TNNI3K: variants seen among roughly 807,000 people sequenced by gnomAD.
TNNI3K encodes TNNI3 interacting kinase, also known as serine/threonine-protein kinase TNNI3K.
In TNNI3K, 140 loss-of-function variants were observed where a neutral mutation model predicts 114.5. That is an observed-to-expected ratio of 1.22 (90% confidence interval 1.07 to 1.41). TNNI3K has a LOEUF of 1.41. TNNI3K is among the 40% of genes most tolerant of loss of function. The probability of loss-of-function intolerance (pLI) is 0.00; values close to 1 mark genes in which losing one functional copy is unlikely to be tolerated. For synonymous variants in TNNI3K, 347 were observed against 347.5 expected (o/e 1.00, Z 0.02); for missense variants, 1,125 against 1,007.6 (o/e 1.12, Z -1.58).
At chr1:74,328,100 A>T (rs1354650192) in intron 5 of TNNI3K, among the ~76,000 whole-genome samples, 2 of 152,148 alleles carry the variant, frequency 1.3e-5, no homozygotes, top group African/African-American at 4.8e-5. Flanking sequence ...CTATCATATA[A>T]TTAAGTCCTA....
intron 23 of TNNI3K, among the ~76,000 whole-genome samples, chr1:74,518,786 C>A (rs567854080): frequency 6.6e-6 from 1 of 150,504 alleles, no homozygotes; most frequent in Non-Finnish European, 1.5e-5. Flanking sequence ...ACAACATTTA[C>A]AAATATGGAT....
chr1:74,329,295 T>C (rs1660076854), intron 5 of TNNI3K, among the ~76,000 whole-genome samples: 1 of 152,108 alleles, frequency 6.6e-6, no homozygotes, highest in African/African-American at 2.4e-5. Context: ...TACACTTGTT[T>C]CTGGGCCTGA....
intron 11 of TNNI3K, among the ~76,000 whole-genome samples, chr1:74,364,178 A>AT (rs894462328): frequency 1.3e-5 from 2 of 150,820 alleles, no homozygotes; most frequent in Non-Finnish European, 3.0e-5. Flanking sequence ...TTAAAAAAAA[A>AT]TTTTTTTTAG....
intron 5 of TNNI3K, among the ~76,000 whole-genome samples, chr1:74,291,795 T>C (rs1212766450): frequency 6.6e-6 from 1 of 151,542 alleles, no homozygotes; most frequent in Non-Finnish European, 1.5e-5. Flanking sequence ...CTTCAGTATT[T>C]AAGTGCTTTA....
chr1:74,239,149 A>G (rs1001056428), intron 2 of TNNI3K, among the ~76,000 whole-genome samples: 4 of 152,096 alleles, frequency 2.6e-5, no homozygotes, highest in Non-Finnish European at 5.9e-5. Context: ...GAGTCAAGAG[A>G]ATCAAAAACA....
Position 74,369,049 on chromosome 1 carries a change from C to T in TNNI3K, c.1349C>T (p.Ala450Val), listed in dbSNP as rs1365720705. The T allele has an allele frequency of 2.5e-6, 4 of 1,608,602 alleles. No homozygotes were observed. Among genetic ancestry groups the T allele is most frequent in the Non-Finnish European group, 3.4e-6 (4 of 1,177,914 alleles). Residue 450 changes from alanine (A) to valine (V), a missense_variant, in exon 14 of 25, where the codon GCT becomes GTT. Coordinates refer to ENST00000326637, the MANE Select transcript of TNNI3K (RefSeq NM_015978.3). The part of the protein sequence containing the change: ...KEKADILLLR[A>V]GLPSHFHLQL... ...AAGGCAGATATTCTCCTCCTAAGAG[C>T]TGGATTGCCTTCACATTTCCATCTT...
chr1:74,236,033 TG>T, intron 1 of TNNI3K, 68 bp from the exon 2 acceptor site: 8 of 1,165,438 alleles, frequency 6.9e-6, no homozygotes, highest in Non-Finnish European at 9.8e-6. Context: ...ATTACTTGTA[TG>T]TTATGATCTG....
intron 4 of TNNI3K, 63 bp downstream of exon 4, chr1:74,250,832 T>TTC: frequency 3.3e-6 from 1 of 303,180 alleles, no homozygotes; most frequent in Non-Finnish European, 4.1e-6. Flanking sequence ...ATCTTTAGGC[T>TTC]TTTTTTTTTT....
rs1157074541 is a variant in TNNI3K at position 74,261,068 on chromosome 1, A to G, written c.333+10299A>G. On this transcript the variant is annotated intron_variant, in intron 4 of 24. Transcript: ENST00000326637. ...ATTTATATGAAGCTCAGATTGGTAG[A>G]AAAAAGTACCAGCTTTTTCTTTGCT... 2.0e-5 allele frequency among the ~76,000 whole-genome samples: 3 copies of G among 152,090 alleles called. No individual in the cohort carries two copies. The East Asian group carries it at 5.8e-4, about 29-fold the overall frequency.
intron 6 of TNNI3K, among the ~76,000 whole-genome samples, chr1:74,332,793 A>T (rs1032532107): frequency 1.3e-5 from 2 of 152,136 alleles, no homozygotes; most frequent in African/African-American, 4.8e-5. Flanking sequence ...CAAATTATCA[A>T]GTCCAAACAA....
At chr1:74,522,876 C>T (rs1646453026) in intron 23 of TNNI3K, among the ~76,000 whole-genome samples, 1 of 152,144 alleles carries the variant, frequency 6.6e-6, no homozygotes, top group Non-Finnish European at 1.5e-5. Context: ...ACATAAAATC[C>T]AGCACTGCGT....
At chr1:74,336,506 C>T (rs529684977) in intron 7 of TNNI3K, among the ~76,000 whole-genome samples, 1 of 144,888 alleles carries the variant, frequency 6.9e-6, no homozygotes, top group Non-Finnish European at 1.5e-5. Context: ...CCCCCTCCCC[C>T]CATGCCACAA....
At chr1:74,519,477 G>T (rs1354866492) in intron 23 of TNNI3K, among the ~76,000 whole-genome samples, 4 of 125,100 alleles carry the variant, frequency 3.2e-5, no homozygotes, top group South Asian at 2.5e-4. Context: ...CACAATGGTT[G>T]AACTAGTTTA....
intron 20 of TNNI3K, among the ~76,000 whole-genome samples, chr1:74,442,633 C>A (rs1448851572): frequency 5.3e-5 from 8 of 152,052 alleles, no homozygotes; most frequent in Admixed American, 1.3e-4. Flanking sequence ...AAATTTCATA[C>A]ATTACATAAT....
chr1:74,465,764 G>A (rs1246774879), intron 21 of TNNI3K, among the ~76,000 whole-genome samples: 5 of 152,170 alleles, frequency 3.3e-5, no homozygotes, highest in Non-Finnish European at 7.3e-5. Context: ...CTATCTAGAG[G>A]GTTGTAAATG....
chr1:74,261,700 A>G (rs1655686158), intron 4 of TNNI3K, among the ~76,000 whole-genome samples: 1 of 152,162 alleles, frequency 6.6e-6, no homozygotes, highest in African/African-American at 2.4e-5. Context: ...CTCTCATTCA[A>G]TACACAGACA....
chr1:74,263,393 A>G (rs1655789367), intron 4 of TNNI3K, among the ~76,000 whole-genome samples: 1 of 152,034 alleles, frequency 6.6e-6, no homozygotes, highest in South Asian at 2.1e-4. Flanking sequence ...GTTGCTTATC[A>G]TCTTATTCTG....
Position 74,544,383 on chromosome 1 carries a change from C to T in TNNI3K, c.*401C>T, listed in dbSNP as rs1308558492. 6.3e-6 allele frequency: 1 copy of T among 159,142 alleles called. No individual in the cohort carries two copies. Among genetic ancestry groups the T allele is most frequent in the Non-Finnish European group, 1.4e-5 (1 of 73,098 alleles). The allele number at this position is 159,142 out of a possible 1,614,324, so 9.9% of individuals were successfully genotyped here. ...ATTTTCTTTTCTCATTATGTTACTT[C>T]TAGTGTTCACCTCTGTGATTAAAGA... On this transcript the variant is annotated 3_prime_UTR_variant, in exon 25 of 25. Coordinates refer to ENST00000326637, the MANE Select transcript of TNNI3K (RefSeq NM_015978.3).
At chr1:74,496,577 A>G (rs571722131) in intron 23 of TNNI3K, among the ~76,000 whole-genome samples, 1 of 152,138 alleles carries the variant, frequency 6.6e-6, no homozygotes, top group African/African-American at 2.4e-5. Flanking sequence ...GCTTGATTTT[A>G]TGGGGTTTTT....
Sources: allele counts gnomAD v4.1 joint callset (sites outside exome capture counted in the v4.1 genomes callset), GRCh38; gene constraint gnomAD v4.1.1; transcripts MANE v1.5; gene names NCBI Gene and HGNC (gene_info 2026-07-23, HGNC 2026-07-21).